PHKB: variants seen among roughly 807,000 people sequenced by gnomAD.
PHKB encodes the protein phosphorylase kinase regulatory subunit beta.
In PHKB, 122 loss-of-function variants were observed where a neutral mutation model predicts 152.1. The observed-to-expected ratio is 0.80, with a 90% CI of 0.69 to 0.93. The LOEUF is 0.93. Among genes scored for constraint, PHKB ranks in the 40% least tolerant of loss-of-function variants. The pLI is 0.00. For synonymous variants in PHKB, 436 were observed against 464.9 expected (o/e 0.94, Z 0.80); for missense variants, 1,304 against 1,328.4 (o/e 0.98, Z 0.29).
At chr16:47,646,564 A>G (rs577129484) in intron 16 of PHKB, among the ~76,000 whole-genome samples, 1 of 143,314 alleles carries the variant, frequency 7.0e-6, no homozygotes, top group East Asian at 2.0e-4. Context: ...TAAAAAATAA[A>G]AAAATAATAA....
At chr16:47,633,471 T>A (rs888551512) in intron 14 of PHKB, among the ~76,000 whole-genome samples, 1 of 152,134 alleles carries the variant, frequency 6.6e-6, no homozygotes, top group Non-Finnish European at 1.5e-5. Context: ...AAATAACCCT[T>A]CCAAAGGCAT....
intron 27 of PHKB, among the ~76,000 whole-genome samples, chr16:47,692,416 G>A (rs1974077390): frequency 6.6e-6 from 1 of 152,120 alleles, no homozygotes; most frequent in Admixed American, 6.5e-5. Flanking sequence ...AGGAGCTCAA[G>A]ACCAGCCTGG....
chr16:47,510,592 A>G (rs1020887583), intron 4 of PHKB, among the ~76,000 whole-genome samples: 1 of 152,236 alleles, frequency 6.6e-6, no homozygotes, highest in Non-Finnish European at 1.5e-5. Flanking sequence ...ACACACAGCT[A>G]GTAAAAGTAT....
At chr16:47,694,527 C>G (rs1974115586) in intron 28 of PHKB, among the ~76,000 whole-genome samples, 1 of 152,114 alleles carries the variant, frequency 6.6e-6, no homozygotes, top group African/African-American at 2.4e-5. Flanking sequence ...GGGCTCTTCC[C>G]TGGAACCCTT....
At chr16:47,697,366 GA>G (rs1398002474) in intron 29 of PHKB, among the ~76,000 whole-genome samples, 2 of 152,178 alleles carry the variant, frequency 1.3e-5, no homozygotes, top group Non-Finnish European at 2.9e-5. Flanking sequence ...TTCACAGCAT[GA>G]GGCAGACTGG....
intron 6 of PHKB, among the ~76,000 whole-genome samples, chr16:47,535,628 G>T (rs531811577): frequency 6.6e-6 from 1 of 152,120 alleles, no homozygotes; most frequent in Admixed American, 6.5e-5. Context: ...TATAAGTCCC[G>T]CTCTATCTCT....
intron 1 of PHKB, among the ~76,000 whole-genome samples, chr16:47,461,661 C>T (rs550106142): frequency 2.0e-5 from 3 of 152,336 alleles, no homozygotes; most frequent in Admixed American, 1.3e-4. Flanking sequence ...CGCTTGTGAG[C>T]CCCACTCGGA....
At position 47,641,116 on chromosome 16, in the gene PHKB, T is replaced by A. The variant is rs568349820; in HGVS notation, c.1514+26T>A. On this transcript the variant is annotated intron_variant, in intron 15 of 30. Transcript: ENST00000323584. ...GTATGAAATCCAAGTGGGTGGTGTG[T>A]TTTTTTGTGGGGAGGGGAGGGGAGG... The A allele has an allele frequency of 2.5e-6, 4 of 1,597,556 alleles. No homozygotes were observed. The African/African-American group carries it at 5.4e-5, about 21-fold the overall frequency.
chr16:47,564,611 C>T (rs1971533969), intron 7 of PHKB, among the ~76,000 whole-genome samples: 1 of 152,020 alleles, frequency 6.6e-6, no homozygotes, highest in Admixed American at 6.6e-5. Flanking sequence ...GGTTTAGTTA[C>T]ATGTCATTTA....
chr16:47,525,712 AG>A (rs1444572334), intron 6 of PHKB, among the ~76,000 whole-genome samples: 1 of 152,196 alleles, frequency 6.6e-6, no homozygotes, highest in African/African-American at 2.4e-5. Flanking sequence ...GTTCATCTTA[AG>A]TGAAATGCCC....
chr16:47,697,913 AT>A (rs1435015819), intron 29 of PHKB, among the ~76,000 whole-genome samples: 1 of 152,178 alleles, frequency 6.6e-6, no homozygotes, highest in East Asian at 1.9e-4. Flanking sequence ...AGTTAAACAT[AT>A]TTTTTTAAAA....
chr16:47,644,764 C>T (rs574534775), intron 16 of PHKB, among the ~76,000 whole-genome samples: 1 of 152,114 alleles, frequency 6.6e-6, no homozygotes, highest in Non-Finnish European at 1.5e-5. Context: ...AAGGGAAGTC[C>T]ATTTTTAGAA....
In PHKB at chr16:47,689,042, T is replaced by C. The variant is rs1294282853; in HGVS notation, c.2632T>C (p.Trp878Arg). 2 of 1,614,054 alleles carry C rather than the reference T, an allele frequency of 1.2e-6. No homozygotes were observed. The highest frequency in any genetic ancestry group is 1.7e-6 in the Non-Finnish European group (2 of 1,179,930). ...FSGMLKIRIG[W>R]IIHAMEYELQ... ...CATGCTTCCCCTGTTTTGTTTCAGGTGGATCATCCATGCCATGGAGTATGA... is the reference window on the plus strand; with the variant it reads ...CATGCTTCCCCTGTTTTGTTTCAGGCGGATCATCCATGCCATGGAGTATGA... The change falls in exon 27 of 31, where the codon TGG becomes CGG. Residue 878 changes from tryptophan (W) to arginine (R), a missense_variant and splice_region_variant. Trp to Arg is a moderately radical substitution (Grantham distance 101). Coordinates refer to ENST00000323584, the MANE Select transcript of PHKB (RefSeq NM_000293.3).
chr16:47,586,552 C>G (rs1287561123), intron 8 of PHKB, among the ~76,000 whole-genome samples: 5 of 152,106 alleles, frequency 3.3e-5, no homozygotes, highest in Non-Finnish European at 7.4e-5. Flanking sequence ...AAAAAAATAC[C>G]TCTAGTGAAT....
In PHKB at chr16:47,699,781, T is replaced by C. The variant is rs1974216899; in HGVS notation, c.*415T>C. The C allele has an allele frequency of 4.0e-6, 1 of 251,074 alleles. No homozygotes were observed. The highest frequency in any genetic ancestry group is 5.0e-5 in the Admixed American group (1 of 20,006). 15.6% of individuals were successfully genotyped at this position (251,074 alleles called of 1,614,324 possible). A position where few individuals can be genotyped will look rare whatever the true frequency, so the allele number is the denominator to read the frequency against. ...AAATCAAAAGATACTGAAAGAATGG[T>C]GAACTTCTCTTAGTGGTATTGTCAT... On this transcript the variant is annotated 3_prime_UTR_variant, in exon 31 of 31. Transcript: ENST00000323584.
rs191743799 is a variant in PHKB at position 47,691,168 on chromosome 16, A to G, written c.2765+1993A>G. ...ATCAGACCAACCCAAATTGAGGTAC[A>G]TCTTACAAAATAACTGACATTTCTA... On this transcript the variant is annotated intron_variant, in intron 27 of 30. Coordinates refer to ENST00000323584, the MANE Select transcript of PHKB (RefSeq NM_000293.3). 1.4e-4 allele frequency among the ~76,000 whole-genome samples: 22 copies of G among 152,336 alleles called. No individual in the cohort carries two copies. In the East Asian group the frequency reaches 3.9e-3, roughly 27 times the overall value.
At chr16:47,576,574 C>A (rs1260409216) in intron 7 of PHKB, among the ~76,000 whole-genome samples, 2 of 152,124 alleles carry the variant, frequency 1.3e-5, no homozygotes, top group Non-Finnish European at 2.9e-5. Flanking sequence ...TGCAAGTATC[C>A]AACTATAACT....
chr16:47,661,944 G>A, intron 23 of PHKB, 144 bp downstream of exon 23: 1 of 697,722 alleles, frequency 1.4e-6, no homozygotes, highest in Admixed American at 2.0e-5. Flanking sequence ...AATGGAAAAT[G>A]TTCATTCATA....
intron 7 of PHKB, among the ~76,000 whole-genome samples, chr16:47,558,055 TA>T (rs1306967849): frequency 6.6e-6 from 1 of 150,950 alleles, no homozygotes; most frequent in Non-Finnish European, 1.5e-5. Flanking sequence ...TATGCAGCCA[TA>T]AAAAATGATG....
Sources: gnomAD v4.1 joint callset for allele counts (sites outside exome capture counted in the v4.1 genomes callset) on GRCh38, gnomAD v4.1.1 for gene constraint, MANE v1.5 for transcripts, NCBI Gene and HGNC (gene_info 2026-07-23, HGNC 2026-07-21) for gene names.